The following BBS9 variants were observed in gnomAD, a reference collection of about 807,000 sequenced individuals.
The protein encoded by BBS9 is protein PTHB1.
A neutral mutation model predicts 117.7 loss-of-function variants in BBS9; 89 were observed. The ratio of observed to expected loss-of-function variants is 0.76; its 90% CI spans 0.64 to 0.90. BBS9 has a LOEUF of 0.90. Among genes scored for constraint, BBS9 ranks in the 40% least tolerant of loss-of-function variants. The probability of loss-of-function intolerance (pLI) is 0.00; values close to 1 mark genes in which losing one functional copy is unlikely to be tolerated. For missense variants in BBS9, 982 were observed against 1,042.2 expected, an observed-to-expected ratio of 0.94 and a Z score of 0.80; for synonymous variants, 379 against 370.9, an observed-to-expected ratio of 1.02 and a Z score of -0.25.
At chr7:33,517,613 C>T (rs772298881) in intron 20 of BBS9, among the ~76,000 whole-genome samples, 11 of 152,178 alleles carry the variant, frequency 7.2e-5, no homozygotes, top group Non-Finnish European at 1.5e-4. Flanking sequence ...TTTGCCACTC[C>T]CCATTGGCAC....
At chr7:33,235,811 C>A (rs1793368356) in intron 5 of BBS9, among the ~76,000 whole-genome samples, 1 of 152,074 alleles carries the variant, frequency 6.6e-6, no homozygotes, top group Non-Finnish European at 1.5e-5. Flanking sequence ...TCTTAATCAC[C>A]TTTACCAGAA....
intron 19 of BBS9, among the ~76,000 whole-genome samples, chr7:33,391,423 C>G (rs576677343): frequency 6.6e-6 from 1 of 152,150 alleles, no homozygotes; most frequent in Admixed American, 6.5e-5. Context: ...TACACACATG[C>G]ACACATACAC....
intron 21 of BBS9, among the ~76,000 whole-genome samples, chr7:33,556,799 T>G (rs1214899156): frequency 1.3e-5 from 2 of 152,212 alleles, no homozygotes; most frequent in Non-Finnish European, 2.9e-5. Flanking sequence ...GTAAATTATA[T>G]TGCCACATTA....
At chr7:33,181,549 AT>A (rs1289600320) in intron 5 of BBS9, among the ~76,000 whole-genome samples, 1 of 152,234 alleles carries the variant, frequency 6.6e-6, no homozygotes, top group African/African-American at 2.4e-5. Context: ...ATAAGATAAG[AT>A]TCTTATAAAC....
At chr7:33,475,566 G>T (rs746665524) in intron 19 of BBS9, among the ~76,000 whole-genome samples, 1 of 151,670 alleles carries the variant, frequency 6.6e-6, no homozygotes, top group Non-Finnish European at 1.5e-5. Flanking sequence ...CTACCCACTA[G>T]ATGCCAGTAG....
At chr7:33,509,075 T>A (rs1299456827) in intron 20 of BBS9, among the ~76,000 whole-genome samples, 2 of 152,194 alleles carry the variant, frequency 1.3e-5, no homozygotes, top group Non-Finnish European at 2.9e-5. Flanking sequence ...AAGGTATGTA[T>A]ACTCATTATG....
chr7:33,381,501 A>G (rs1353385525), intron 17 of BBS9, among the ~76,000 whole-genome samples: 3 of 152,140 alleles, frequency 2.0e-5, no homozygotes, highest in Admixed American at 1.3e-4. Flanking sequence ...CTTAGTGTGG[A>G]TAAGACTAGA....
At chr7:33,366,780 ATGAT>A (rs1356515055) in intron 16 of BBS9, among the ~76,000 whole-genome samples, 10 of 151,720 alleles carry the variant, frequency 6.6e-5, no homozygotes, top group African/African-American at 2.4e-4. Flanking sequence ...TCCTTACCTC[ATGAT>A]CTGCCCACCT....
intron 21 of BBS9, among the ~76,000 whole-genome samples, chr7:33,558,162 C>T (rs1223227973): frequency 3.9e-5 from 6 of 152,150 alleles, no homozygotes; most frequent in Non-Finnish European, 8.8e-5. Context: ...ATATAGCCTG[C>T]ATATATTATG....
intron 21 of BBS9, among the ~76,000 whole-genome samples, chr7:33,579,594 A>C (rs1285405042): frequency 6.6e-6 from 1 of 152,162 alleles, no homozygotes; most frequent in Admixed American, 6.6e-5. Flanking sequence ...CATTTTAATG[A>C]TCAGATGAAG....
chr7:33,351,255 A>T lies in BBS9; in HGVS notation c.1469A>T (p.Tyr490Phe), dbSNP rs1818593520. ...ACTAGAACAGTAAGCTTTTCTGTTT[A>T]TCTGAAAAGAAGTTATACACCATCA... ...DLTRTVSFSV[Y>F]LKRSYTPSEL... The change falls in exon 14 of 23, where the codon TAT becomes TTT. Residue 490 changes from tyrosine to phenylalanine, a missense_variant. Transcript: ENST00000242067. 6.2e-7 allele frequency: 1 copy of T among 1,612,946 alleles called. No individual in the cohort carries two copies. Among genetic ancestry groups the T allele is most frequent in the African/African-American group, 1.3e-5 (1 of 74,894 alleles).
rs75803442 is a variant in BBS9 at position 33,444,482 on chromosome 7, T to G, written c.2115+56338T>G. 0.018 allele frequency among the ~76,000 whole-genome samples: 2,747 copies of G among 152,314 alleles called. 202 individuals are homozygous for G. In the East Asian group the frequency reaches 0.26, roughly 14 times the overall value. ...GCTTAATCAGTTCATATAAATTTGT[T>G]GTGTACTGCTAAGGACTTTAATTGG... On this transcript the variant is annotated intron_variant, in intron 19 of 22. Coordinates refer to ENST00000242067, the MANE Select transcript of BBS9 (RefSeq NM_198428.3).
intron 21 of BBS9, among the ~76,000 whole-genome samples, chr7:33,551,381 A>G (rs1378674296): frequency 6.6e-6 from 1 of 152,164 alleles, no homozygotes; most frequent in Non-Finnish European, 1.5e-5. Context: ...TACTGTGTAA[A>G]TAAATTACCT....
chr7:33,172,748 T>G (rs1430110002), intron 4 of BBS9, among the ~76,000 whole-genome samples: 1 of 152,100 alleles, frequency 6.6e-6, no homozygotes. Flanking sequence ...AAAATAACTC[T>G]TAGGTACAAC....
At chr7:33,170,547 C>T (rs1271019203) in intron 4 of BBS9, among the ~76,000 whole-genome samples, 59 of 148,954 alleles carry the variant, frequency 4.0e-4, no homozygotes, top group South Asian at 1.5e-3. Flanking sequence ...TGGCACAAGA[C>T]AGGGATGCCC....
rs2128345247 is a variant in BBS9 at position 33,273,172 on chromosome 7, G to C, written c.863G>C (p.Ser288Thr). 6.2e-7 allele frequency: 1 copy of C among 1,613,612 alleles called. No individual in the cohort carries two copies. Among genetic ancestry groups the C allele is most frequent in the Non-Finnish European group, 8.5e-7 (1 of 1,179,756 alleles). The change falls in exon 8 of 23, where the codon AGT becomes ACT. Residue 288 changes from serine to threonine, a missense_variant. Ser to Thr is a moderately conservative substitution (Grantham distance 58). Coordinates refer to ENST00000242067, the MANE Select transcript of BBS9 (RefSeq NM_198428.3). ...RFMKKLDWSP[S>T]CFLPYCSVSE... ...ATGAAGAAGCTTGATTGGAGCCCAA[G>C]TTGTTTTCTGCCATATTGCTCAGGT...
intron 5 of BBS9, among the ~76,000 whole-genome samples, chr7:33,238,232 G>C (rs1298219350): frequency 6.6e-6 from 1 of 152,076 alleles, no homozygotes; most frequent in Non-Finnish European, 1.5e-5. Context: ...ATGTCCCATG[G>C]CAGAGTCAGT....
Position 33,366,437 on chromosome 7 carries a change from A to AT in BBS9, c.1694-1323dup, listed in dbSNP as rs1037985872. On this transcript the variant is annotated intron_variant, in intron 16 of 22. Coordinates refer to ENST00000242067, the MANE Select transcript of BBS9 (RefSeq NM_198428.3). ...GAATAGCTGTCTTTCTCTCTCTCTA[A>AT]TTTTTTTGCTGGGGATGAAGACTAG... 3.9e-4 allele frequency among the ~76,000 whole-genome samples: 56 copies of AT among 145,092 alleles called. 1 individual carries two copies. Among genetic ancestry groups the AT allele is most frequent in the Admixed American group, 1.0e-3 (15 of 14,616 alleles).
chr7:33,617,002 C>T (rs980199991), intron 21 of BBS9, among the ~76,000 whole-genome samples: 1 of 151,910 alleles, frequency 6.6e-6, no homozygotes, highest in Non-Finnish European at 1.5e-5. Flanking sequence ...GAGATAATGG[C>T]CTCCAGCTCA....
Sources: allele counts gnomAD v4.1 joint callset (sites outside exome capture counted in the v4.1 genomes callset), GRCh38; gene constraint gnomAD v4.1.1; transcripts MANE v1.5; gene names NCBI Gene and HGNC (gene_info 2026-07-23, HGNC 2026-07-21).